Variants in KANK4 observed in about 807,000 individuals in gnomAD.
The protein encoded by KANK4 is KN motif and ankyrin repeat domain-containing protein 4.
Under a neutral mutation model 80.8 loss-of-function variants are expected in KANK4, and 50 were observed. The observed-to-expected ratio is 0.62, with a 90% CI of 0.49 to 0.78. The LOEUF is 0.78. Among genes scored for constraint, KANK4 ranks in the 30% least tolerant of loss-of-function variants. KANK4 has a pLI of 0.00. For missense variants in KANK4, 1,196 were observed against 1,240.1 expected, an observed-to-expected ratio of 0.96 and a Z score of 0.53; for synonymous variants, 465 against 506.9, an observed-to-expected ratio of 0.92 and a Z score of 1.11.
At chr1:62,238,987 T>C (rs1487640361) in intron 9 of KANK4, among the ~76,000 whole-genome samples, 2 of 152,120 alleles carry the variant, frequency 1.3e-5, no homozygotes, top group Admixed American at 1.3e-4. Flanking sequence ...TGCTGTTCCA[T>C]TACATGTATC....
chr1:62,242,865 A>T (rs1327134734), intron 9 of KANK4, among the ~76,000 whole-genome samples: 3 of 152,176 alleles, frequency 2.0e-5, no homozygotes, highest in Non-Finnish European at 4.4e-5. Context: ...AGCACCAGGT[A>T]CAAGCCTTGG....
intron 1 of KANK4, among the ~76,000 whole-genome samples, chr1:62,284,661 T>C (rs879042520): frequency 4.6e-5 from 7 of 152,226 alleles, no homozygotes; most frequent in Admixed American, 1.3e-4. Flanking sequence ...GTATCCCCAC[T>C]GTTCAGAACC....
chr1:62,249,196 C>T (rs1671548473), intron 8 of KANK4, among the ~76,000 whole-genome samples: 1 of 150,386 alleles, frequency 6.6e-6, no homozygotes, highest in Admixed American at 6.7e-5. Flanking sequence ...AATGATTTGT[C>T]CTGTGTACCT....
At chr1:62,305,022 G>C (rs1644439812) in intron 1 of KANK4, among the ~76,000 whole-genome samples, 2 of 152,174 alleles carry the variant, frequency 1.3e-5, no homozygotes, top group Non-Finnish European at 1.5e-5. Flanking sequence ...ATCTAGAGAG[G>C]GAAGCAGAAG....
intron 9 of KANK4, among the ~76,000 whole-genome samples, chr1:62,242,926 C>A (rs1178117726): frequency 6.6e-6 from 1 of 152,176 alleles, no homozygotes; most frequent in Non-Finnish European, 1.5e-5. Flanking sequence ...AAATGTCTCA[C>A]CCTGTGGATG....
chr1:62,294,786 C>A (rs775923946), intron 1 of KANK4, among the ~76,000 whole-genome samples: 17 of 152,194 alleles, frequency 1.1e-4, no homozygotes, highest in Non-Finnish European at 2.5e-4. Flanking sequence ...TGGTGACCAC[C>A]CAGCCTCGGC....
At chr1:62,264,372 T>C (rs1484057953) in intron 6 of KANK4, among the ~76,000 whole-genome samples, 2 of 151,992 alleles carry the variant, frequency 1.3e-5, no homozygotes, top group African/African-American at 4.8e-5. Context: ...GAGTGCACCA[T>C]TGCACTCCAG....
chr1:62,237,531 CTT>C lies in KANK4; in HGVS notation c.*744_*745del, dbSNP rs1216091965. 6.6e-6 allele frequency: 1 copy of C among 151,936 alleles called. No homozygotes were observed. Among genetic ancestry groups the C allele is most frequent in the Non-Finnish European group, 1.5e-5 (1 of 67,986 alleles). The allele number at this position is 151,936 out of a possible 1,614,324, so 9.4% of individuals were successfully genotyped here. On this transcript the variant is annotated 3_prime_UTR_variant, in exon 10 of 10. Transcript: ENST00000371153. ...TGGTGTGTGTCATTGGATTGAATTT[CTT>C]TTTTTTCTTTATTACATAGCAACTT...
intron 9 of KANK4, among the ~76,000 whole-genome samples, chr1:62,240,836 G>A (rs1485602435): frequency 6.6e-6 from 1 of 152,010 alleles, no homozygotes; most frequent in Non-Finnish European, 1.5e-5. Flanking sequence ...CACCCAGAGG[G>A]CTCTCATCAG....
At chr1:62,263,789 AAAC>A (rs748347123) in intron 6 of KANK4, among the ~76,000 whole-genome samples, 17 of 152,342 alleles carry the variant, frequency 1.1e-4, no homozygotes, top group East Asian at 9.6e-4. Flanking sequence ...ATGCGAAGGC[AAAC>A]AACATCTCCA....
At chr1:62,300,784 C>T (rs1220166641) in intron 1 of KANK4, among the ~76,000 whole-genome samples, 1 of 151,950 alleles carries the variant, frequency 6.6e-6, no homozygotes, top group Non-Finnish European at 1.5e-5. Flanking sequence ...GGCGTATGTC[C>T]CCAGATTCTG....
Position 62,247,678 on chromosome 1 carries a change from T to C in KANK4, c.2683-6A>G. 1 of 1,612,474 alleles carries C rather than the reference T, an allele frequency of 6.2e-7. No homozygotes were observed. The highest frequency in any genetic ancestry group is 8.5e-7 in the Non-Finnish European group (1 of 1,179,646). On this transcript the variant is annotated splice_polypyrimidine_tract_variant and splice_region_variant and intron_variant, in intron 8 of 9. Transcript: ENST00000371153. ...ATCAGCGCAGTCTGGCCTCCCTGCA[T>C]GCAGAGCCACAGGGATGTGGTGAGG...
At chr1:62,249,728 A>C (rs1671566641) in intron 8 of KANK4, among the ~76,000 whole-genome samples, 1 of 151,822 alleles carries the variant, frequency 6.6e-6, no homozygotes, top group Non-Finnish European at 1.5e-5. Context: ...TGTTTAGTAG[A>C]GACGGGGTTT....
chr1:62,268,731 CAATTAACTGTGCTTATTGTCAAAAT>C (rs1216952176), intron 4 of KANK4, among the ~76,000 whole-genome samples: 1 of 152,172 alleles, frequency 6.6e-6, no homozygotes, highest in Non-Finnish European at 1.5e-5. Context: ...TGGGGAGACT[CAATTAACTGTGCTTATTGTCAAAAT>C]AATTAACTGT....
At position 62,259,777 on chromosome 1, in the gene KANK4, TAATATAATTTATA is replaced by T. The variant is rs1164606548; in HGVS notation, c.2539+3302_2539+3314del. The stretch of plus-strand genomic sequence containing the variant: ...TTATAAAGACAATATAATTTATAAT[TAATATAATTTATA>T]AATATAATTTATCATAAATTTAAAT... On this transcript the variant is annotated intron_variant, in intron 7 of 9. Coordinates refer to ENST00000371153, the MANE Select transcript of KANK4 (RefSeq NM_181712.5). Among the ~76,000 whole-genome samples the T allele has an allele frequency of 3.4e-5, 5 of 148,916 alleles. No individual in the cohort carries two copies. The East Asian group carries it at 9.7e-4, about 29-fold the overall frequency.
Position 62,281,579 on chromosome 1 carries a change from C to A in KANK4, c.-15G>T, listed in dbSNP as rs774529439. 3.7e-6 allele frequency: 6 copies of A among 1,614,046 alleles called. No individual in the cohort carries two copies. Among genetic ancestry groups the A allele is most frequent in the African/African-American group, 2.7e-5 (2 of 74,932 alleles). Reference sequence around the variant, plus strand: ...GTCTTCTCCATCTTTGGAGCGCTGACCCTCAGTGTCTCAGGCACTCTTCAT... The same window carrying A: ...GTCTTCTCCATCTTTGGAGCGCTGAACCTCAGTGTCTCAGGCACTCTTCAT... On this transcript the variant is annotated 5_prime_UTR_variant, in exon 2 of 10. Transcript: ENST00000371153.
intron 1 of KANK4, among the ~76,000 whole-genome samples, chr1:62,306,569 T>C (rs746676782): frequency 2.6e-5 from 4 of 152,186 alleles, no homozygotes; most frequent in Non-Finnish European, 4.4e-5. Flanking sequence ...TATATGCTTC[T>C]ACATTATTTT....
intron 2 of KANK4, among the ~76,000 whole-genome samples, chr1:62,280,903 G>A (rs993601393): frequency 5.3e-5 from 8 of 152,080 alleles, no homozygotes; most frequent in Admixed American, 2.0e-4. Context: ...GACTTGTGTC[G>A]GCCAGTGGGT....
chr1:62,243,497 C>T (rs1481466386), intron 9 of KANK4, among the ~76,000 whole-genome samples: 1 of 152,046 alleles, frequency 6.6e-6, no homozygotes, highest in Non-Finnish European at 1.5e-5. Flanking sequence ...TGCCACCATG[C>T]CTGGCTAATT....
Sources: allele counts gnomAD v4.1 joint callset (sites outside exome capture counted in the v4.1 genomes callset), GRCh38; gene constraint gnomAD v4.1.1; transcripts MANE v1.5; gene names NCBI Gene and HGNC (gene_info 2026-07-23, HGNC 2026-07-21).